Variants in GRK3 observed in about 807,000 individuals in gnomAD.
GRK3 encodes G protein-coupled receptor kinase 3, also known as adrenergic, beta, receptor kinase 2.
In GRK3, 54 loss-of-function variants were observed where a neutral mutation model predicts 95.7. The observed-to-expected ratio is 0.56, with a 90% CI of 0.45 to 0.71. The LOEUF is 0.71. Ranked by LOEUF, GRK3 falls within the 30% of genes least tolerant of loss-of-function variation. The probability of loss-of-function intolerance (pLI) is 0.00; values close to 1 mark genes in which losing one functional copy is unlikely to be tolerated. For missense variants in GRK3, 649 were observed against 851.2 expected, an observed-to-expected ratio of 0.76 and a Z score of 2.96; for synonymous variants, 281 against 290.8, an observed-to-expected ratio of 0.97 and a Z score of 0.34.
At chr22:25,577,257 C>T (rs1931935690) in intron 1 of GRK3, among the ~76,000 whole-genome samples, 1 of 151,830 alleles carries the variant, frequency 6.6e-6, no homozygotes, top group African/African-American at 2.4e-5. Flanking sequence ...ACTGTAACCT[C>T]CGCCTCCCAG....
At chr22:25,609,694 TATA>T (rs1443681063) in intron 2 of GRK3, among the ~76,000 whole-genome samples, 2 of 152,124 alleles carry the variant, frequency 1.3e-5, no homozygotes, top group African/African-American at 4.8e-5. Flanking sequence ...AACGTGGTAA[TATA>T]ATATTATATC....
At position 25,667,782 on chromosome 22, in the gene GRK3, T is replaced by C; in HGVS notation, c.485T>C (p.Phe162Ser). ...TGTGAAAGCCTTCGAGGTGACATTT[T>C]TCAAAAATTTATGGAAAGGTATGAA... is the stretch of plus-strand genomic sequence containing the variant. Reference protein sequence around the residue: ...EICESLRGDIFQKFMESDKFT... With the variant: ...EICESLRGDISQKFMESDKFT... Residue 162 changes from phenylalanine to serine, a missense_variant, in exon 6 of 21, where the codon TTT (phenylalanine) becomes TCT (serine). Physicochemically the swap from Phe to Ser is radical, Grantham distance 155. This residue lies in a region of GRK3 where 206 missense variants were observed against 231.4 expected (regional missense o/e 0.89). Coordinates refer to ENST00000324198, the MANE Select transcript of GRK3 (RefSeq NM_005160.4). 6.2e-7 allele frequency: 1 copy of C among 1,610,478 alleles called. No individual in the cohort carries two copies. The highest frequency in any genetic ancestry group is 8.5e-7 in the Non-Finnish European group (1 of 1,176,832).
chr22:25,684,457 C>A (rs947874498), intron 9 of GRK3: 1 of 152,144 alleles, frequency 6.6e-6, no homozygotes, highest in South Asian at 2.1e-4. Context: ...GTTATTGAGT[C>A]CTTGGTCATG....
At chr22:25,634,384 G>A (rs2084685443) in intron 2 of GRK3, among the ~76,000 whole-genome samples, 1 of 152,196 alleles carries the variant, frequency 6.6e-6, no homozygotes, top group African/African-American at 2.4e-5. Flanking sequence ...GTTTCGTGGT[G>A]CTTGCAGGGG....
intron 2 of GRK3, among the ~76,000 whole-genome samples, chr22:25,623,235 C>T (rs550568240): frequency 6.6e-6 from 1 of 152,316 alleles, no homozygotes; most frequent in South Asian, 2.1e-4. Flanking sequence ...AGCCACCATG[C>T]CCGGCCATAC....
intron 3 of GRK3, among the ~76,000 whole-genome samples, chr22:25,660,750 C>T (rs1038639455): frequency 2.0e-5 from 3 of 152,022 alleles, no homozygotes; most frequent in African/African-American, 4.8e-5. Flanking sequence ...AGTTTCCCTC[C>T]GAGCTTCATA....
chr22:25,651,493 T>A (rs549251147), intron 3 of GRK3, among the ~76,000 whole-genome samples: 24 of 152,352 alleles, frequency 1.6e-4, no homozygotes, highest in African/African-American at 5.8e-4. Flanking sequence ...TTACATAACC[T>A]GCTTAGTATT....
intron 1 of GRK3, among the ~76,000 whole-genome samples, chr22:25,594,191 G>A (rs2084355728): frequency 1.3e-5 from 2 of 152,096 alleles, no homozygotes; most frequent in African/African-American, 4.8e-5. Flanking sequence ...ATTGTTTTGG[G>A]CAGCATGGCC....
chr22:25,641,951 T>A (rs1276083825), intron 2 of GRK3, among the ~76,000 whole-genome samples: 1 of 152,238 alleles, frequency 6.6e-6, no homozygotes, highest in Admixed American at 6.5e-5. Flanking sequence ...TTTCATTTTG[T>A]CATTTAGACA....
chr22:25,573,874 G>A (rs145792526), intron 1 of GRK3, among the ~76,000 whole-genome samples: 1 of 152,208 alleles, frequency 6.6e-6, no homozygotes, highest in African/African-American at 2.4e-5. Context: ...ACTCCAGTCC[G>A]TGTGGCAAGA....
chr22:25,667,645 T>C (rs1237597146), intron 5 of GRK3, 94 bp from the exon 6 acceptor site: 2 of 828,850 alleles, frequency 2.4e-6, no homozygotes, highest in African/African-American at 1.7e-5. Context: ...GAGTGCATAA[T>C]TGGGAACTTC....
intron 15 of GRK3, among the ~76,000 whole-genome samples, chr22:25,706,866 A>G (rs904355182): frequency 6.6e-6 from 1 of 152,208 alleles, no homozygotes; most frequent in Non-Finnish European, 1.5e-5. Context: ...TCTGTCACCC[A>G]GACTGGAGTG....
chr22:25,667,933 G>A, intron 6 of GRK3, 133 bp downstream of exon 6: 2 of 589,830 alleles, frequency 3.4e-6, no homozygotes, highest in Non-Finnish European at 3.0e-6. Flanking sequence ...CGATGTGCCA[G>A]GCTTTGTGTT....
chr22:25,635,836 A>T (rs1361197201), intron 2 of GRK3, among the ~76,000 whole-genome samples: 3 of 152,222 alleles, frequency 2.0e-5, no homozygotes, highest in East Asian at 3.9e-4. Context: ...AAACTTATCC[A>T]CTAGTTTTGG....
intron 11 of GRK3, among the ~76,000 whole-genome samples, chr22:25,687,982 A>C (rs552147503): frequency 6.6e-6 from 1 of 152,194 alleles, no homozygotes; most frequent in Non-Finnish European, 1.5e-5. Context: ...CATGCCTGTA[A>C]TCCCAGCACT....
chr22:25,672,362 TTTC>T lies in GRK3; in HGVS notation c.555+18_555+20del, dbSNP rs1307952552. ...TAAATATCCATGTGAGTATCATCTTTTTCTTTTTTCATTTTTTAAATAAAAACT... is the reference window on the plus strand; with the variant it reads ...TAAATATCCATGTGAGTATCATCTTTTTTTTTCATTTTTTAAATAAAAACT... On this transcript the variant is annotated intron_variant, in intron 7 of 20. Transcript: ENST00000324198. 7.3e-7 allele frequency: 1 copy of T among 1,379,090 alleles called. No homozygotes were observed. Among genetic ancestry groups the T allele is most frequent in the Non-Finnish European group, 1.0e-6 (1 of 991,230 alleles). 85.4% of individuals were successfully genotyped at this position (1,379,090 alleles called of 1,614,324 possible). A position where few individuals can be genotyped will look rare whatever the true frequency, so the allele number is the denominator to read the frequency against.
chr22:25,601,935 A>G (rs1450725322), intron 1 of GRK3, among the ~76,000 whole-genome samples: 1 of 152,220 alleles, frequency 6.6e-6, no homozygotes, highest in Non-Finnish European at 1.5e-5. Context: ...GGCATGAAAG[A>G]CTTCTTAGGA....
At chr22:25,655,120 A>T (rs990317716) in intron 3 of GRK3, among the ~76,000 whole-genome samples, 3 of 152,108 alleles carry the variant, frequency 2.0e-5, no homozygotes, top group Non-Finnish European at 4.4e-5. Context: ...CAATCTCTAG[A>T]AAACTCTTGT....
intron 1 of GRK3, among the ~76,000 whole-genome samples, chr22:25,592,563 T>A (rs1206294642): frequency 1.3e-5 from 2 of 152,080 alleles, no homozygotes; most frequent in African/African-American, 4.8e-5. Flanking sequence ...GTCACAAAGT[T>A]TTTTTTTATA....
Sources: allele counts gnomAD v4.1 joint callset (sites outside exome capture counted in the v4.1 genomes callset), GRCh38; gene constraint gnomAD v4.1.1; regional missense constraint gnomAD v4.1.1; transcripts MANE v1.5; gene names NCBI Gene and HGNC (gene_info 2026-07-23, HGNC 2026-07-21).